Variants in EYS observed in about 807,000 individuals in gnomAD.
EYS encodes EGF-like photoreceptor maintenance factor, also known as protein eyes shut homolog.
EYS carries 250 observed loss-of-function variants against 282.1 expected under a neutral mutation model. The observed-to-expected ratio is 0.89, with a 90% CI of 0.80 to 0.98. The LOEUF is 0.98. Among genes scored for constraint, EYS ranks in the 50% least tolerant of loss-of-function variants. The pLI is 0.00. For synonymous variants in EYS, 1,355 were observed against 1,282.9 expected (o/e 1.06, Z -1.20); for missense variants, 4,016 against 3,709.0 (o/e 1.08, Z -2.15).
chr6:65,571,050 G>A (rs889636402), intron 2 of EYS, among the ~76,000 whole-genome samples: 9 of 151,952 alleles, frequency 5.9e-5, no homozygotes, highest in African/African-American at 2.2e-4. Flanking sequence ...GGTGGGGCGG[G>A]AGAATATATA....
intron 12 of EYS, among the ~76,000 whole-genome samples, chr6:65,281,393 T>C (rs955237913): frequency 6.6e-6 from 1 of 152,158 alleles, no homozygotes; most frequent in South Asian, 2.1e-4. Flanking sequence ...ACAATGTATG[T>C]AGTTCTTATT....
At chr6:64,785,278 C>T (rs1486616905) in intron 22 of EYS, among the ~76,000 whole-genome samples, 2 of 152,078 alleles carry the variant, frequency 1.3e-5, no homozygotes, top group Middle Eastern at 3.2e-3. Flanking sequence ...TTAAAATTTT[C>T]CTTACATGTT....
chr6:63,914,295 G>A (rs1479705414), intron 35 of EYS, among the ~76,000 whole-genome samples: 1 of 152,164 alleles, frequency 6.6e-6, no homozygotes, highest in Non-Finnish European at 1.5e-5. Context: ...TAGTGAGGAA[G>A]GCATGTAGAA....
chr6:64,826,857 T>C (rs1211328021), intron 19 of EYS, among the ~76,000 whole-genome samples: 1 of 151,530 alleles, frequency 6.6e-6, no homozygotes, highest in Non-Finnish European at 1.5e-5. Context: ...TCATTTCACA[T>C]ATGAGAACCT....
At chr6:64,309,230 A>G (rs1052777685) in intron 29 of EYS, among the ~76,000 whole-genome samples, 1 of 152,164 alleles carries the variant, frequency 6.6e-6, no homozygotes, top group African/African-American at 2.4e-5. Context: ...GAAACTGATA[A>G]TGTTTAAATT....
At chr6:65,417,094 A>G (rs772356108) in intron 5 of EYS, among the ~76,000 whole-genome samples, 1 of 151,996 alleles carries the variant, frequency 6.6e-6, no homozygotes, top group Non-Finnish European at 1.5e-5. Flanking sequence ...CATTTCAGAT[A>G]AACAAAATAA....
intron 33 of EYS, among the ~76,000 whole-genome samples, chr6:64,023,762 C>T (rs890488509): frequency 6.6e-5 from 10 of 152,194 alleles, no homozygotes; most frequent in Admixed American, 2.6e-4. Context: ...CCTCAGCTTG[C>T]GAGGAGGTGT....
chr6:65,107,195 G>A (rs1775063828), intron 12 of EYS, among the ~76,000 whole-genome samples: 3 of 151,920 alleles, frequency 2.0e-5, no homozygotes, highest in Non-Finnish European at 4.4e-5. Context: ...AGAAACAATG[G>A]GAAGAATCCT....
intron 36 of EYS, among the ~76,000 whole-genome samples, chr6:63,849,666 C>G (rs1166795609): frequency 1.3e-5 from 2 of 152,242 alleles, no homozygotes; most frequent in East Asian, 3.9e-4. Flanking sequence ...AAACCCCATC[C>G]AAAGGTCAAT....
chr6:64,220,031 T>G (rs1252792109), intron 31 of EYS, among the ~76,000 whole-genome samples: 1 of 151,760 alleles, frequency 6.6e-6, no homozygotes, highest in Non-Finnish European at 1.5e-5. Flanking sequence ...GGGCCTATTG[T>G]GGGGTGAGGG....
At chr6:63,749,605 G>A (rs115029988) in intron 41 of EYS, among the ~76,000 whole-genome samples, 1 of 152,140 alleles carries the variant, frequency 6.6e-6, no homozygotes, top group African/African-American at 2.4e-5. Flanking sequence ...GCTCTGTATC[G>A]GCTGATATCC....
intron 30 of EYS, among the ~76,000 whole-genome samples, chr6:64,233,000 A>C (rs1582461074): frequency 6.6e-6 from 1 of 152,124 alleles, no homozygotes; most frequent in Non-Finnish European, 1.5e-5. Context: ...TTTTAGTTTT[A>C]ATGTTTCTGA....
chr6:64,412,794 C>T (rs1773943429), intron 28 of EYS: 1 of 152,046 alleles, frequency 6.6e-6, no homozygotes, highest in Non-Finnish European at 1.5e-5. Flanking sequence ...CTTCTATCAC[C>T]TCTGCTTAGT....
intron 35 of EYS, among the ~76,000 whole-genome samples, chr6:63,961,365 C>T (rs555753051): frequency 4.6e-5 from 7 of 151,740 alleles, no homozygotes; most frequent in African/African-American, 1.7e-4. Context: ...TTTAACTGAG[C>T]GATTAACCTT....
At chr6:65,103,292 A>G (rs1346790798) in intron 12 of EYS, among the ~76,000 whole-genome samples, 1 of 151,548 alleles carries the variant, frequency 6.6e-6, no homozygotes, top group Non-Finnish European at 1.5e-5. Context: ...TTATGCTATA[A>G]CAATTGAAAT....
chr6:65,346,020 A>G (rs1182407431), intron 9 of EYS, among the ~76,000 whole-genome samples: 1 of 151,868 alleles, frequency 6.6e-6, no homozygotes, highest in Non-Finnish European at 1.5e-5. Flanking sequence ...CCAGATTATT[A>G]TTCTAACTCC....
intron 11 of EYS, among the ~76,000 whole-genome samples, chr6:65,317,697 G>T (rs1056327981): frequency 1.7e-4 from 26 of 152,032 alleles, no homozygotes; most frequent in Non-Finnish European, 2.4e-4. Flanking sequence ...TGGGGCTGGA[G>T]AATCCACTGT....
intron 33 of EYS, among the ~76,000 whole-genome samples, chr6:64,000,855 T>A (rs994999071): frequency 3.3e-5 from 5 of 152,106 alleles, no homozygotes; most frequent in Non-Finnish European, 5.9e-5. Context: ...TGTTAAAAAT[T>A]CTTGAATTCT....
intron 27 of EYS, among the ~76,000 whole-genome samples, chr6:64,438,689 T>C (rs2150465890): frequency 6.6e-6 from 1 of 151,790 alleles, no homozygotes; most frequent in South Asian, 2.1e-4. Flanking sequence ...TCAAATCATG[T>C]ACCGTTTGAA....
Sources: gnomAD v4.1 joint callset for allele counts (sites outside exome capture counted in the v4.1 genomes callset) on GRCh38, gnomAD v4.1.1 for gene constraint, MANE v1.5 for transcripts, NCBI Gene and HGNC (gene_info 2026-07-23, HGNC 2026-07-21) for gene names.